The following RALYL variants were observed in gnomAD, a reference collection of about 807,000 sequenced individuals.
RALYL encodes the protein RNA-binding Raly-like protein.
RALYL carries 29 observed loss-of-function variants against 35.1 expected under a neutral mutation model. The ratio of observed to expected loss-of-function variants is 0.83; its 90% CI spans 0.61 to 1.13. The LOEUF (loss-of-function observed/expected upper bound fraction) is 1.13. RALYL is among the 50% of genes most tolerant of loss of function. RALYL has a pLI of 0.00. For missense variants in RALYL, 359 were observed against 360.4 expected (o/e 1.00, Z 0.03); for synonymous variants, 120 against 127.6 (o/e 0.94, Z 0.40).
intron 2 of RALYL, among the ~76,000 whole-genome samples, chr8:84,646,815 C>A (rs1237623388): frequency 6.6e-6 from 1 of 152,082 alleles, no homozygotes. Context: ...CTTCTGGCAC[C>A]ACTTACTTTC....
At chr8:84,246,746 C>T (rs1829174543) in intron 1 of RALYL, among the ~76,000 whole-genome samples, 1 of 152,046 alleles carries the variant, frequency 6.6e-6, no homozygotes, top group Non-Finnish European at 1.5e-5. Flanking sequence ...AGGCTGTTGC[C>T]ACAGTCCAGG....
intron 1 of RALYL, among the ~76,000 whole-genome samples, chr8:84,309,527 G>A (rs892752975): frequency 3.3e-5 from 5 of 151,882 alleles, no homozygotes; most frequent in Admixed American, 1.3e-4. Context: ...AGTAATTATA[G>A]AAAATTAACA....
intron 1 of RALYL, among the ~76,000 whole-genome samples, chr8:84,441,488 C>T (rs2048325442): frequency 6.6e-6 from 1 of 152,068 alleles, no homozygotes; most frequent in Admixed American, 6.6e-5. Flanking sequence ...TGGAAGAAAG[C>T]TTTGAAAGGT....
chr8:84,716,877 A>G (rs189422903), intron 2 of RALYL, among the ~76,000 whole-genome samples: 204 of 152,294 alleles, frequency 1.3e-3, no homozygotes, highest in Non-Finnish European at 2.6e-3. Context: ...AGTATCTAGG[A>G]AAAAAGTTAA....
At chr8:84,727,958 G>A (rs928147087) in intron 2 of RALYL, among the ~76,000 whole-genome samples, 112 of 152,126 alleles carry the variant, frequency 7.4e-4, no homozygotes, top group African/African-American at 2.6e-3. Context: ...CTTTATAGCA[G>A]CATGATTTAT....
At chr8:84,521,839 T>C (rs2058483508) in intron 1 of RALYL, among the ~76,000 whole-genome samples, 1 of 152,172 alleles carries the variant, frequency 6.6e-6, no homozygotes, top group South Asian at 2.1e-4. Flanking sequence ...ATTATATATT[T>C]ATTTTTGCTT....
At position 84,377,483 on chromosome 8, in the gene RALYL, T is replaced by G. The variant is rs1028187139; in HGVS notation, c.-23-151816T>G. Among the ~76,000 whole-genome samples, 3 of 114,740 alleles carry G rather than the reference T, an allele frequency of 2.6e-5. No individual in the cohort carries two copies. In the Admixed American group the frequency reaches 2.7e-4, roughly 10 times the overall value. The allele number at this position is 114,740 out of a possible 152,430, so 75.3% of individuals were successfully genotyped here. A position where few individuals can be genotyped will look rare whatever the true frequency, so the allele number is the denominator to read the frequency against. On this transcript the variant is annotated intron_variant, in intron 1 of 8. Coordinates refer to ENST00000521268, the MANE Select transcript of RALYL (RefSeq NM_173848.7). ...TTTTTTTTTTTTTTTTTTCTTAAAC[T>G]GATCCCATGAGATCAGTTTTCTTTT...
chr8:84,784,985 A>G (rs905634659), intron 3 of RALYL, among the ~76,000 whole-genome samples: 5 of 152,128 alleles, frequency 3.3e-5, no homozygotes, highest in African/African-American at 7.2e-5. Flanking sequence ...TCTTCTTCCA[A>G]CTCTGAGAGT....
At chr8:84,499,787 C>A (rs2056469792) in intron 1 of RALYL, among the ~76,000 whole-genome samples, 2 of 152,082 alleles carry the variant, frequency 1.3e-5, no homozygotes, top group Non-Finnish European at 2.9e-5. Flanking sequence ...TAGGGTCTCA[C>A]TCTCTTACCA....
intron 2 of RALYL, among the ~76,000 whole-genome samples, chr8:84,624,909 T>C (rs1822391255): frequency 6.6e-6 from 1 of 152,160 alleles, no homozygotes; most frequent in Non-Finnish European, 1.5e-5. Flanking sequence ...TCTGTGCCCA[T>C]AAGTAAACAT....
chr8:84,831,568 T>C (rs936869029), intron 4 of RALYL, among the ~76,000 whole-genome samples: 1 of 152,150 alleles, frequency 6.6e-6, no homozygotes, highest in African/African-American at 2.4e-5. Context: ...GTTCTTTAAC[T>C]GGGAACTTTA....
At chr8:84,543,701 C>T (rs1446751491) in intron 2 of RALYL, among the ~76,000 whole-genome samples, 1 of 151,902 alleles carries the variant, frequency 6.6e-6, no homozygotes, top group Non-Finnish European at 1.5e-5. Flanking sequence ...GTTTCTGGGT[C>T]GTTTTGACAT....
At chr8:84,391,832 G>C (rs979286369) in intron 1 of RALYL, among the ~76,000 whole-genome samples, 14 of 152,032 alleles carry the variant, frequency 9.2e-5, no homozygotes, top group African/African-American at 3.1e-4. Context: ...AAAGTGAGCT[G>C]ATGCTGCCAC....
chr8:84,888,662 G>C (rs1469915353), intron 8 of RALYL, among the ~76,000 whole-genome samples: 1 of 152,092 alleles, frequency 6.6e-6, no homozygotes, highest in Non-Finnish European at 1.5e-5. Flanking sequence ...TAGTTTCCAA[G>C]ACAGCTGAAT....
At chr8:84,269,308 G>A (rs1833873970) in intron 1 of RALYL, among the ~76,000 whole-genome samples, 1 of 152,142 alleles carries the variant, frequency 6.6e-6, no homozygotes, top group Non-Finnish European at 1.5e-5. Flanking sequence ...ATGGCACACT[G>A]AATGCTTTAG....
chr8:84,424,244 C>T (rs892296625), intron 1 of RALYL, among the ~76,000 whole-genome samples: 3 of 148,664 alleles, frequency 2.0e-5, no homozygotes, highest in African/African-American at 7.5e-5. Context: ...AGGCTTTGCT[C>T]ATTTGTTTTT....
chr8:84,539,937 CAT>C (rs1485050201), intron 2 of RALYL, among the ~76,000 whole-genome samples: 17 of 146,790 alleles, frequency 1.2e-4, no homozygotes, highest in African/African-American at 3.5e-4. Flanking sequence ...CACACACACA[CAT>C]GCACATTTTA....
chr8:84,906,028 A>G (rs935747232), intron 8 of RALYL, among the ~76,000 whole-genome samples: 1 of 152,170 alleles, frequency 6.6e-6, no homozygotes, highest in Non-Finnish European at 1.5e-5. Context: ...AAAGTGTTAA[A>G]GTGTATACAT....
intron 3 of RALYL, among the ~76,000 whole-genome samples, chr8:84,803,510 A>AATAAT (rs1823857140): frequency 6.6e-6 from 1 of 152,230 alleles, no homozygotes; most frequent in African/African-American, 2.4e-5. Context: ...TAGAGATGTG[A>AATAAT]ATAATATTGG....
Sources: gnomAD v4.1 joint callset for allele counts (sites outside exome capture counted in the v4.1 genomes callset) on GRCh38, gnomAD v4.1.1 for gene constraint, MANE v1.5 for transcripts, NCBI Gene and HGNC (gene_info 2026-07-23, HGNC 2026-07-21) for gene names.